GABRB3: variants seen among roughly 807,000 people sequenced by gnomAD.
The protein encoded by GABRB3 is gamma-aminobutyric acid receptor subunit beta-3.
GABRB3 carries 14 observed loss-of-function variants against 52.1 expected under a neutral mutation model. The observed-to-expected ratio is 0.27, with a 90% confidence interval of 0.18 to 0.42. The LOEUF (loss-of-function observed/expected upper bound fraction) is 0.42. Among genes scored for constraint, GABRB3 ranks in the 10% least tolerant of loss-of-function variants. GABRB3 has a pLI of 1.00. For missense variants in GABRB3, 307 were observed against 609.1 expected, an observed-to-expected ratio of 0.50 and a Z score of 5.22; for synonymous variants, 260 against 232.3, an observed-to-expected ratio of 1.12 and a Z score of -1.08.
At chr15:26,672,559 T>C (rs1887931708) in intron 3 of GABRB3, among the ~76,000 whole-genome samples, 1 of 152,208 alleles carries the variant, frequency 6.6e-6, no homozygotes, top group African/African-American at 2.4e-5. Flanking sequence ...TTAGCAGTAA[T>C]AAGTTAGTAG....
chr15:26,628,615 T>A (rs1595496435), intron 3 of GABRB3, among the ~76,000 whole-genome samples: 1 of 152,058 alleles, frequency 6.6e-6, no homozygotes, highest in Non-Finnish European at 1.5e-5. Flanking sequence ...CAGTCTTGGG[T>A]ATGGACATCT....
chr15:26,674,302 G>A (rs192099259), intron 3 of GABRB3, among the ~76,000 whole-genome samples: 18 of 150,774 alleles, frequency 1.2e-4, no homozygotes, highest in Non-Finnish European at 1.6e-4. Context: ...CTGGGAGGCT[G>A]AGGCAGAAGA....
At chr15:26,675,536 CTT>C (rs1799055495) in intron 3 of GABRB3, among the ~76,000 whole-genome samples, 2 of 152,114 alleles carry the variant, frequency 1.3e-5, no homozygotes. Context: ...ATAAGGCAGA[CTT>C]TATTCAGAAC....
chr15:26,610,205 T>C (rs1019945634), intron 4 of GABRB3, among the ~76,000 whole-genome samples: 1 of 152,118 alleles, frequency 6.6e-6, no homozygotes, highest in Admixed American at 6.6e-5. Flanking sequence ...GTAATTGTGG[T>C]TTTTGCCATT....
chr15:26,718,642 C>A (rs576446939), intron 3 of GABRB3, among the ~76,000 whole-genome samples: 1 of 152,134 alleles, frequency 6.6e-6, no homozygotes, highest in South Asian at 2.1e-4. Flanking sequence ...ATAGTTATTC[C>A]CCAGCTGATC....
chr15:26,709,215 A>G (rs1405983451), intron 3 of GABRB3, among the ~76,000 whole-genome samples: 3 of 152,306 alleles, frequency 2.0e-5, no homozygotes, highest in East Asian at 1.9e-4. Context: ...TTGATTCCCA[A>G]CGTTGGAGGT....
intron 4 of GABRB3, among the ~76,000 whole-genome samples, chr15:26,607,204 G>C (rs934811718): frequency 6.6e-6 from 1 of 152,118 alleles, no homozygotes; most frequent in African/African-American, 2.4e-5. Context: ...TCTAGGGGCT[G>C]CCTGATTCAC....
intron 4 of GABRB3, among the ~76,000 whole-genome samples, chr15:26,607,081 T>A (rs1891866131): frequency 6.6e-6 from 1 of 152,112 alleles, no homozygotes; most frequent in Admixed American, 6.6e-5. Flanking sequence ...CTGTAACCAA[T>A]CTCGCTGTTT....
At chr15:26,641,744 TGACAGCAA>T (rs1259559058) in intron 3 of GABRB3, among the ~76,000 whole-genome samples, 11 of 152,164 alleles carry the variant, frequency 7.2e-5, no homozygotes, top group Non-Finnish European at 2.9e-5. Flanking sequence ...GGAGGACAGC[TGACAGCAA>T]GACCCATACT....
chr15:26,699,099 G>C (rs1888841988), intron 3 of GABRB3, among the ~76,000 whole-genome samples: 1 of 151,750 alleles, frequency 6.6e-6, no homozygotes, highest in African/African-American at 2.4e-5. Flanking sequence ...AGTGCATTGA[G>C]AAGCAGGAAT....
chr15:26,554,036 T>TACA (rs60406667), intron 8 of GABRB3, among the ~76,000 whole-genome samples: 1 of 79,384 alleles, frequency 1.3e-5, no homozygotes, highest in Non-Finnish European at 2.3e-5. Flanking sequence ...TATATATATA[T>TACA]TTATTTATTT....
chr15:26,579,808 G>T (rs1436461663), intron 6 of GABRB3, among the ~76,000 whole-genome samples: 1 of 152,178 alleles, frequency 6.6e-6, no homozygotes, highest in Non-Finnish European at 1.5e-5. Context: ...CCAGGCTAAG[G>T]CAACCTTCAT....
At chr15:26,599,512 C>T (rs951145804) in intron 4 of GABRB3, among the ~76,000 whole-genome samples, 12 of 152,200 alleles carry the variant, frequency 7.9e-5, no homozygotes, top group African/African-American at 2.9e-4. Flanking sequence ...CAGTAACCAG[C>T]CAGCAGCTCT....
intron 3 of GABRB3, among the ~76,000 whole-genome samples, chr15:26,660,662 T>C (rs896900709): frequency 6.6e-6 from 1 of 151,902 alleles, no homozygotes; most frequent in African/African-American, 2.4e-5. Context: ...ACAACTTGGG[T>C]TGTAGATCTG....
At chr15:26,729,333 T>C (rs926963290) in intron 3 of GABRB3, among the ~76,000 whole-genome samples, 2 of 151,794 alleles carry the variant, frequency 1.3e-5, no homozygotes, top group African/African-American at 4.8e-5. Context: ...CCACCATCCC[T>C]CCCCAGAAGC....
At chr15:26,635,059 CAT>C (rs1317794738) in intron 3 of GABRB3, among the ~76,000 whole-genome samples, 1 of 127,716 alleles carries the variant, frequency 7.8e-6, no homozygotes. Context: ...TATGTTGAAA[CAT>C]ATGTGTACTA....
rs1160269585 is a variant in GABRB3, at chr15:26,621,222, C to A, written c.461+92G>T. The A allele has an allele frequency of 3.0e-6, 3 of 996,450 alleles. No homozygotes were observed. The highest frequency in any genetic ancestry group is 4.8e-6 in the Non-Finnish European group (3 of 619,092). The allele number at this position is 996,450 out of a possible 1,614,324, so 61.7% of individuals were successfully genotyped here. On this transcript the variant is annotated intron_variant, in intron 4 of 8. Coordinates refer to ENST00000311550, the MANE Select transcript of GABRB3 (RefSeq NM_000814.6). The surrounding 1 kb of genome is among the most constrained non-coding windows in gnomAD (Gnocchi z 4.1). ...AGATGCTTCCTAATTTATCTGAGGTCATTGCCTCACTTACAATAATCATCT... is the reference window on the plus strand; with the variant it reads ...AGATGCTTCCTAATTTATCTGAGGTAATTGCCTCACTTACAATAATCATCT...
intron 2 of GABRB3, 43 bp downstream of exon 2, chr15:26,772,638 C>T (rs749574713): frequency 1.3e-6 from 2 of 1,506,890 alleles, no homozygotes; most frequent in African/African-American, 1.4e-5. Flanking sequence ...CCGCCGCCGC[C>T]GTGGGTCGCG....
chr15:26,555,316 A>G (rs1463566869), intron 8 of GABRB3, among the ~76,000 whole-genome samples: 2 of 152,112 alleles, frequency 1.3e-5, no homozygotes, highest in East Asian at 1.9e-4. Context: ...TGGAAGGGGA[A>G]TGGGTCATCA....
Sources: gnomAD v4.1 joint callset for allele counts (sites outside exome capture counted in the v4.1 genomes callset) on GRCh38, gnomAD v4.1.1 for gene constraint, Gnocchi (gnomAD v3.1) non-coding constraint, MANE v1.5 for transcripts, NCBI Gene and HGNC (gene_info 2026-07-23, HGNC 2026-07-21) for gene names.